Variants in MAST4 observed in about 807,000 individuals in gnomAD.
MAST4 encodes the protein microtubule associated serine/threonine kinase family member 4.
MAST4 carries 89 observed loss-of-function variants against 162.7 expected under a neutral mutation model. That is an observed-to-expected ratio of 0.55 (90% CI 0.46 to 0.65). The LOEUF (loss-of-function observed/expected upper bound fraction) is 0.65, where lower values mean the gene tolerates loss of function less well. MAST4 is among the 30% of genes least tolerant of loss of function. MAST4 has a pLI of 0.00. For synonymous variants in MAST4, 1,479 were observed against 1,361.1 expected, an observed-to-expected ratio of 1.09 and a Z score of -1.91; for missense variants, 3,153 against 3,374.0, an observed-to-expected ratio of 0.93 and a Z score of 1.62.
intron 1 of MAST4, among the ~76,000 whole-genome samples, chr5:66,679,515 G>T (rs1038765772): frequency 6.6e-6 from 1 of 152,154 alleles, no homozygotes; most frequent in Non-Finnish European, 1.5e-5. Flanking sequence ...GATGGTATGT[G>T]TATAAACTTC....
At chr5:66,916,888 A>G in intron 4 of MAST4, 1 of 673,112 alleles carries the variant, frequency 1.5e-6, no homozygotes, top group Non-Finnish European at 2.8e-6. Context: ...TGTTGTTTTC[A>G]GTACTCCCTT....
chr5:66,867,632 C>A (rs1046025564), intron 3 of MAST4, among the ~76,000 whole-genome samples: 4 of 152,142 alleles, frequency 2.6e-5, no homozygotes, highest in Non-Finnish European at 5.9e-5. Flanking sequence ...AGAGTTGCTT[C>A]TTTTATTAAT....
intron 4 of MAST4, among the ~76,000 whole-genome samples, chr5:67,030,891 T>G (rs1411899333): frequency 6.6e-6 from 1 of 152,212 alleles, no homozygotes. Context: ...GTGTTGATTC[T>G]ATGCCAATTA....
intron 10 of MAST4, among the ~76,000 whole-genome samples, chr5:67,107,034 T>G (rs1765677274): frequency 6.6e-6 from 1 of 152,206 alleles, no homozygotes; most frequent in Admixed American, 6.5e-5. Context: ...TATGAGAATA[T>G]TTTGAAAGTT....
intron 5 of MAST4, among the ~76,000 whole-genome samples, chr5:67,058,520 A>G (rs574890927): frequency 6.6e-6 from 1 of 152,178 alleles, no homozygotes; most frequent in Non-Finnish European, 1.5e-5. Flanking sequence ...TTTTATTTAA[A>G]TTTTTCTTCA....
At chr5:66,735,332 G>A (rs767663224) in intron 1 of MAST4, among the ~76,000 whole-genome samples, 6 of 150,130 alleles carry the variant, frequency 4.0e-5, no homozygotes, top group Non-Finnish European at 7.4e-5. Context: ...TTTCATGCAG[G>A]TTTCATTTTA....
chr5:66,631,478 C>T (rs1047386395), intron 1 of MAST4, among the ~76,000 whole-genome samples: 4 of 152,062 alleles, frequency 2.6e-5, no homozygotes, highest in Non-Finnish European at 2.9e-5. Context: ...CATATACACA[C>T]GAAGGAAAGG....
intron 3 of MAST4, among the ~76,000 whole-genome samples, chr5:66,882,317 A>G (rs1309613363): frequency 6.6e-6 from 1 of 151,926 alleles, no homozygotes; most frequent in Admixed American, 6.6e-5. Flanking sequence ...ATCTACTTAA[A>G]TACATCTTTA....
chr5:66,791,903 TA>T (rs1309570671), intron 3 of MAST4, among the ~76,000 whole-genome samples: 2 of 152,192 alleles, frequency 1.3e-5, no homozygotes, highest in Non-Finnish European at 2.9e-5. Context: ...TTGATTTCTT[TA>T]TTAATCTGCT....
In MAST4 at chr5:66,907,584, ATGCGTGTGTGTG is replaced by A. The variant is rs1205397923; in HGVS notation, c.674+7605_674+7616del. ...TATATAATGAAATGGGCATAGGTTG[ATGCGTGTGTGTG>A]TGTGTGTGTGTGTGTGTGTGTGTGT... On this transcript the variant is annotated intron_variant, in intron 4 of 28. Coordinates refer to ENST00000403625, the MANE Select transcript of MAST4 (RefSeq NM_001164664.2). 4.7e-3 allele frequency among the ~76,000 whole-genome samples: 225 copies of A among 47,534 alleles called. 1 individual carries two copies. The highest frequency in any genetic ancestry group is 7.4e-3 in the Non-Finnish European group (158 of 21,320). The allele number at this position is 47,534 out of a possible 152,430, so 31.2% of individuals were successfully genotyped here.
chr5:66,890,014 T>C (rs887038278), intron 3 of MAST4, among the ~76,000 whole-genome samples: 1 of 152,198 alleles, frequency 6.6e-6, no homozygotes, highest in Non-Finnish European at 1.5e-5. Context: ...ATTGATCTAA[T>C]ATGAGTTTTA....
intron 1 of MAST4, among the ~76,000 whole-genome samples, chr5:66,728,151 T>C (rs1751635391): frequency 6.6e-6 from 1 of 152,204 alleles, no homozygotes; most frequent in South Asian, 2.1e-4. Flanking sequence ...GTTATTTTCT[T>C]CCTGTAACTA....
intron 1 of MAST4, among the ~76,000 whole-genome samples, chr5:66,701,098 A>G (rs181730211): frequency 2.0e-5 from 3 of 152,302 alleles, no homozygotes; most frequent in Non-Finnish European, 2.9e-5. Flanking sequence ...ATTATTGGTT[A>G]TCATTACTAT....
At chr5:67,060,941 A>G (rs2150591565) in intron 5 of MAST4, among the ~76,000 whole-genome samples, 1 of 152,324 alleles carries the variant, frequency 6.6e-6, no homozygotes, top group East Asian at 1.9e-4. Flanking sequence ...TCGTTTTAAA[A>G]TTTTAAGAGA....
chr5:66,793,290 A>G (rs1227097526), intron 3 of MAST4, among the ~76,000 whole-genome samples: 3 of 152,248 alleles, frequency 2.0e-5, no homozygotes, highest in Non-Finnish European at 4.4e-5. Flanking sequence ...ATACATGCTC[A>G]GCCAGTGTCC....
At chr5:66,719,545 C>CT (rs1296486012) in intron 1 of MAST4, among the ~76,000 whole-genome samples, 1 of 151,962 alleles carries the variant, frequency 6.6e-6, no homozygotes, top group Non-Finnish European at 1.5e-5. Flanking sequence ...TTTTCTTTTT[C>CT]TTTTTTTCAA....
chr5:66,891,676 C>T (rs937889683), intron 3 of MAST4, among the ~76,000 whole-genome samples: 1 of 152,146 alleles, frequency 6.6e-6, no homozygotes, highest in South Asian at 2.1e-4. Flanking sequence ...TCACTCCACC[C>T]TACCTGACTA....
At chr5:66,749,430 C>T (rs1173808766) in intron 1 of MAST4, among the ~76,000 whole-genome samples, 1 of 152,204 alleles carries the variant, frequency 6.6e-6, no homozygotes, top group African/African-American at 2.4e-5. Flanking sequence ...ATGAGCATTA[C>T]AGCCTGAAAT....
chr5:66,832,056 G>A (rs1757638011), intron 3 of MAST4, among the ~76,000 whole-genome samples: 1 of 151,962 alleles, frequency 6.6e-6, no homozygotes, highest in South Asian at 2.1e-4. Flanking sequence ...AGATCCTAAG[G>A]CTGGAGAACA....
Sources: allele counts gnomAD v4.1 joint callset (sites outside exome capture counted in the v4.1 genomes callset), GRCh38; gene constraint gnomAD v4.1.1; transcripts MANE v1.5; gene names NCBI Gene and HGNC (gene_info 2026-07-23, HGNC 2026-07-21).